NELL2: variants seen among roughly 807,000 people sequenced by gnomAD.
NELL2 encodes the protein protein kinase C-binding protein NELL2.
In NELL2, 41 loss-of-function variants were observed where a neutral mutation model predicts 109.6. The observed-to-expected ratio is 0.37, with a 90% CI of 0.29 to 0.49. The LOEUF is 0.49. Among genes scored for constraint, NELL2 ranks in the 20% least tolerant of loss-of-function variants. The pLI is 0.98. For missense variants in NELL2, 900 were observed against 1,008.3 expected (o/e 0.89, Z 1.45); for synonymous variants, 355 against 344.7 (o/e 1.03, Z -0.33).
At chr12:44,551,974 G>A (rs887361167) in intron 15 of NELL2, among the ~76,000 whole-genome samples, 26 of 152,248 alleles carry the variant, frequency 1.7e-4, no homozygotes, top group Admixed American at 7.9e-4. Flanking sequence ...AACACAGGTC[G>A]TGCATGTAGG....
intron 1 of NELL2, among the ~76,000 whole-genome samples, chr12:44,902,581 GC>G (rs1945673391): frequency 6.6e-6 from 1 of 152,130 alleles, no homozygotes; most frequent in Admixed American, 6.5e-5. Context: ...CCAGAAAAGA[GC>G]CCGTATAGCC....
chr12:44,686,523 GT>G (rs1232658381), intron 12 of NELL2, among the ~76,000 whole-genome samples: 3 of 152,160 alleles, frequency 2.0e-5, no homozygotes, highest in African/African-American at 7.2e-5. Flanking sequence ...TTTCTGTTCT[GT>G]TTTTTCCCCA....
At chr12:44,917,233 A>C (rs981113234), upstream of NELL2, among the ~76,000 whole-genome samples, 14 of 152,194 alleles carry the variant, frequency 9.2e-5, no homozygotes, top group African/African-American at 3.4e-4. Context: ...TAAAATTTCC[A>C]TCCATGAGTC....
At chr12:44,523,965 G>A (rs1025688642) in intron 16 of NELL2, among the ~76,000 whole-genome samples, 4 of 152,142 alleles carry the variant, frequency 2.6e-5, no homozygotes, top group South Asian at 4.2e-4. Flanking sequence ...CCTTATTCTC[G>A]CGGCTGCACC....
At chr12:44,727,512 GAGA>G (rs760641385) in intron 9 of NELL2, among the ~76,000 whole-genome samples, 4 of 152,170 alleles carry the variant, frequency 2.6e-5, no homozygotes, top group African/African-American at 4.8e-5. Flanking sequence ...TGGAAAAATG[GAGA>G]AGAAGAGGGA....
At chr12:44,633,519 C>T (rs1946528324) in intron 13 of NELL2, among the ~76,000 whole-genome samples, 3 of 152,008 alleles carry the variant, frequency 2.0e-5, no homozygotes, top group African/African-American at 7.2e-5. Context: ...TACAAACAAA[C>T]ATTTACTTGT....
chr12:44,593,751 C>G (rs144475821), intron 15 of NELL2, among the ~76,000 whole-genome samples: 1 of 152,300 alleles, frequency 6.6e-6, no homozygotes, highest in Non-Finnish European at 1.5e-5. Flanking sequence ...CACACACTCT[C>G]CTGCATCTGT....
At chr12:44,646,767 G>A (rs748590553) in intron 13 of NELL2, among the ~76,000 whole-genome samples, 10 of 152,146 alleles carry the variant, frequency 6.6e-5, no homozygotes, top group Non-Finnish European at 1.2e-4. Flanking sequence ...TTGAGTGAAT[G>A]GAGTTTACAA....
chr12:44,820,335 G>A lies in NELL2; in HGVS notation c.185-4199C>T, dbSNP rs148119261. 9.5e-3 allele frequency among the ~76,000 whole-genome samples: 1,445 copies of A among 152,282 alleles called. 9 individuals carry two copies. Among genetic ancestry groups the A allele is most frequent in the Non-Finnish European group, 0.016 (1,108 of 68,026 alleles). Reference sequence around the variant, plus strand: ...GTAAAAAGTAGAATCTAGGCCGGGCGCAGTGGCTCACGCCTGTAATCCCAG... The same window carrying A: ...GTAAAAAGTAGAATCTAGGCCGGGCACAGTGGCTCACGCCTGTAATCCCAG... On this transcript the variant is annotated intron_variant, in intron 2 of 19. Coordinates refer to ENST00000429094, the MANE Select transcript of NELL2 (RefSeq NM_001145108.2).
intron 3 of NELL2, among the ~76,000 whole-genome samples, chr12:44,781,025 A>G (rs1941938989): frequency 6.6e-6 from 1 of 152,164 alleles, no homozygotes; most frequent in Admixed American, 6.6e-5. Context: ...CAAGAAGCAA[A>G]GAAATCTCCA....
intron 9 of NELL2, among the ~76,000 whole-genome samples, chr12:44,728,569 G>A (rs893555001): frequency 6.6e-6 from 1 of 152,198 alleles, no homozygotes; most frequent in Admixed American, 6.5e-5. Flanking sequence ...CTTGTTTGAA[G>A]AAATAACAGC....
chr12:44,794,423 AC>A (rs1942545715), intron 3 of NELL2, among the ~76,000 whole-genome samples: 1 of 152,086 alleles, frequency 6.6e-6, no homozygotes, highest in Non-Finnish European at 1.5e-5. Context: ...TCCAACAAAC[AC>A]GCTTTCCTGA....
chr12:44,854,688 ATGGATGGGTGGATGGATGGG>A (rs1566537641), intron 2 of NELL2, among the ~76,000 whole-genome samples: 10 of 100,452 alleles, frequency 1.0e-4, no homozygotes, highest in South Asian at 3.7e-4. Context: ...GGATGGGTGG[ATGGATGGGTGGATGGATGGG>A]TGGGTGGGTG....
At chr12:44,534,099 C>A (rs1787329976) in intron 15 of NELL2, among the ~76,000 whole-genome samples, 1 of 152,076 alleles carries the variant, frequency 6.6e-6, no homozygotes, top group South Asian at 2.1e-4. Flanking sequence ...ATTTCAGTCT[C>A]ATCCCCCTCC....
chr12:44,657,886 A>G (rs1947572889), intron 13 of NELL2, among the ~76,000 whole-genome samples: 1 of 152,134 alleles, frequency 6.6e-6, no homozygotes, highest in African/African-American at 2.4e-5. Flanking sequence ...TCATTGATGG[A>G]CATTTGGGTT....
rs562395748 is a variant in NELL2, at chr12:44,774,273, T to C, written c.994+474A>G. On this transcript the variant is annotated intron_variant, in intron 9 of 19. Coordinates refer to ENST00000429094, the MANE Select transcript of NELL2 (RefSeq NM_001145108.2). ...CACACATGGTGGTGTGAGCCTTTTT[T>C]TCCCTGAATGAAGGCCATGGCCCTT... Among the ~76,000 whole-genome samples the C allele has an allele frequency of 1.3e-3, 197 of 152,322 alleles. 2 individuals carry two copies. The highest frequency in any genetic ancestry group is 4.5e-3 in the African/African-American group (186 of 41,576).
chr12:44,876,734 G>A (rs368646197), upstream of NELL2: 4 of 1,531,882 alleles, frequency 2.6e-6, no homozygotes, highest in South Asian at 1.2e-5. Context: ...ATGTGCACTC[G>A]TGCACTGGGC....
In NELL2 at chr12:44,894,628, A is replaced by T. The variant is rs143049000; in HGVS notation, c.39-18728T>A. 6.7e-3 allele frequency among the ~76,000 whole-genome samples: 1,016 copies of T among 152,290 alleles called. 4 individuals are homozygous for T. The highest frequency in any genetic ancestry group is 0.018 in the African/African-American group (767 of 41,566). On this transcript the variant is annotated intron_variant, in intron 1 of 20. Transcript: ENST00000333837. ...AAACGTTCTATCAGATCTGTAAGGA[A>T]CTCAATGATATGTCTCACAGATGTG...
intron 3 of NELL2, among the ~76,000 whole-genome samples, chr12:44,781,303 A>C (rs1206852931): frequency 6.6e-6 from 1 of 152,046 alleles, no homozygotes. Flanking sequence ...TGTGAAAAGA[A>C]TCAGTTATCT....
Sources: gnomAD v4.1 joint callset for allele counts (sites outside exome capture counted in the v4.1 genomes callset) on GRCh38, gnomAD v4.1.1 for gene constraint, MANE v1.5 for transcripts, NCBI Gene and HGNC (gene_info 2026-07-23, HGNC 2026-07-21) for gene names.